The following CPNE4 variants were observed in gnomAD, a reference collection of about 807,000 sequenced individuals.
The protein encoded by CPNE4 is copine-4.
A neutral mutation model predicts 67.9 loss-of-function variants in CPNE4; 25 were observed. That is an observed-to-expected ratio of 0.37 (90% CI 0.27 to 0.51). The LOEUF (loss-of-function observed/expected upper bound fraction) is 0.51, where lower values mean the gene tolerates loss of function less well. CPNE4 is among the 20% of genes least tolerant of loss of function. CPNE4 has a pLI of 0.93. For missense variants in CPNE4, 464 were observed against 690.8 expected (o/e 0.67, Z 3.68); for synonymous variants, 242 against 244.9 (o/e 0.99, Z 0.11).
chr3:131,936,817 G>A (rs574932942), intron 1 of CPNE4, among the ~76,000 whole-genome samples: 7 of 151,756 alleles, frequency 4.6e-5, no homozygotes, highest in Non-Finnish European at 7.4e-5. Context: ...ACAATAGATC[G>A]AAAAATAACA....
At chr3:131,958,826 T>C (rs891774739) in intron 1 of CPNE4, among the ~76,000 whole-genome samples, 11 of 151,366 alleles carry the variant, frequency 7.3e-5, no homozygotes, top group African/African-American at 2.7e-4. Flanking sequence ...GCCCAGCTAA[T>C]TTTTTGTATT....
chr3:131,997,684 G>A (rs1397809490), intron 1 of CPNE4, among the ~76,000 whole-genome samples: 3 of 152,070 alleles, frequency 2.0e-5, no homozygotes, highest in African/African-American at 7.2e-5. Context: ...GTGCAATATG[G>A]AGAACATTTT....
chr3:131,927,631 GATGA>G (rs1306166949), intron 1 of CPNE4, among the ~76,000 whole-genome samples: 1 of 152,198 alleles, frequency 6.6e-6, no homozygotes. Flanking sequence ...TTTGTTAACT[GATGA>G]ATTAATCAAT....
At chr3:131,780,633 G>C (rs536351944) in intron 2 of CPNE4, among the ~76,000 whole-genome samples, 3 of 152,000 alleles carry the variant, frequency 2.0e-5, no homozygotes, top group African/African-American at 7.2e-5. Context: ...ACACACAGAC[G>C]CAAAGAGAGG....
At chr3:131,755,595 A>G (rs2082733427) in intron 2 of CPNE4, among the ~76,000 whole-genome samples, 1 of 152,230 alleles carries the variant, frequency 6.6e-6, no homozygotes, top group African/African-American at 2.4e-5. Flanking sequence ...CAGAAACCAT[A>G]AATCTGACAG....
intron 7 of CPNE4, among the ~76,000 whole-genome samples, chr3:131,629,381 G>C (rs932405950): frequency 7.2e-6 from 1 of 138,592 alleles, no homozygotes; most frequent in Non-Finnish European, 1.5e-5. Flanking sequence ...TTAAATTAAG[G>C]TATGTTCATC....
intron 14 of CPNE4, among the ~76,000 whole-genome samples, chr3:131,545,799 C>G (rs998964174): frequency 1.3e-5 from 2 of 152,188 alleles, no homozygotes; most frequent in Admixed American, 6.5e-5. Flanking sequence ...TGCAGTGGCT[C>G]ACGCCTGTAA....
intron 1 of CPNE4, among the ~76,000 whole-genome samples, chr3:131,908,938 G>T (rs148506260): frequency 1.3e-5 from 2 of 152,074 alleles, no homozygotes; most frequent in African/African-American, 4.8e-5. Context: ...GGTATATTGT[G>T]GATGCTCTGA....
intron 2 of CPNE4, among the ~76,000 whole-genome samples, chr3:131,894,991 T>C (rs2088269122): frequency 6.6e-6 from 1 of 151,980 alleles, no homozygotes; most frequent in Non-Finnish European, 1.5e-5. Context: ...ATGGATAAGA[T>C]AGTGTGATAT....
intron 7 of CPNE4, among the ~76,000 whole-genome samples, chr3:131,629,566 T>A (rs1203100408): frequency 6.6e-6 from 1 of 152,104 alleles, no homozygotes; most frequent in African/African-American, 2.4e-5. Flanking sequence ...TACTTCAGTC[T>A]CTCAAGTAGC....
chr3:132,020,494 G>A (rs748572056), intron 1 of CPNE4, among the ~76,000 whole-genome samples: 8 of 152,316 alleles, frequency 5.3e-5, no homozygotes, highest in Admixed American at 5.2e-4. Flanking sequence ...GGGACTGTGG[G>A]AACTCCAGTT....
At chr3:131,732,351 G>A (rs567367177) in intron 2 of CPNE4, among the ~76,000 whole-genome samples, 18 of 152,332 alleles carry the variant, frequency 1.2e-4, no homozygotes, top group African/African-American at 4.1e-4. Context: ...AAGAGTTAGT[G>A]AATATGGTAT....
chr3:131,958,260 C>G (rs1270209679), intron 1 of CPNE4, among the ~76,000 whole-genome samples: 1 of 152,204 alleles, frequency 6.6e-6, no homozygotes, highest in African/African-American at 2.4e-5. Flanking sequence ...GATAAAGCGA[C>G]TTTTCCCAGT....
intron 1 of CPNE4, among the ~76,000 whole-genome samples, chr3:131,975,444 C>T (rs574304545): frequency 4.5e-4 from 68 of 152,242 alleles, no homozygotes; most frequent in Admixed American, 1.2e-3. Context: ...TTCATTTACC[C>T]GAGGCTTCTC....
At chr3:131,622,536 A>T (rs1940530541) in intron 7 of CPNE4, among the ~76,000 whole-genome samples, 1 of 152,232 alleles carries the variant, frequency 6.6e-6, no homozygotes, top group Admixed American at 6.5e-5. Context: ...TGAGAGAGAC[A>T]TACTGAAGCA....
intron 2 of CPNE4, among the ~76,000 whole-genome samples, chr3:131,849,444 G>C (rs2086146021): frequency 6.6e-6 from 1 of 152,102 alleles, no homozygotes; most frequent in Non-Finnish European, 1.5e-5. Flanking sequence ...GGGAAGAATA[G>C]AGAGAAGGGG....
intron 2 of CPNE4, among the ~76,000 whole-genome samples, chr3:131,727,689 A>T (rs2082033070): frequency 6.6e-6 from 1 of 152,134 alleles, no homozygotes; most frequent in Non-Finnish European, 1.5e-5. Context: ...CATCACCACA[A>T]TCAAGAGAGT....
intron 7 of CPNE4, among the ~76,000 whole-genome samples, chr3:131,657,527 T>A (rs950415406): frequency 6.2e-5 from 8 of 128,568 alleles, no homozygotes; most frequent in African/African-American, 2.0e-4. Flanking sequence ...CCTAGAATTA[T>A]CTGTATTTTT....
chr3:131,905,186 C>A, intron 2 of CPNE4, 78 bp downstream of exon 2: 1 of 1,257,294 alleles, frequency 8.0e-7, no homozygotes, highest in South Asian at 1.5e-5. Flanking sequence ...AATAAACCAC[C>A]TGAAGATATA....
Sources: gnomAD v4.1 joint callset for allele counts (sites outside exome capture counted in the v4.1 genomes callset) on GRCh38, gnomAD v4.1.1 for gene constraint, MANE v1.5 for transcripts, NCBI Gene and HGNC (gene_info 2026-07-23, HGNC 2026-07-21) for gene names.